The following CMSS1 variants were observed in gnomAD, a reference collection of about 807,000 sequenced individuals.
CMSS1 encodes protein CMSS1.
Under a neutral mutation model 43.5 loss-of-function variants are expected in CMSS1, and 33 were observed. The observed-to-expected ratio is 0.76, with a 90% confidence interval of 0.57 to 1.01. The LOEUF is 1.01. Ranked by LOEUF, CMSS1 falls within the 50% of genes least tolerant of loss-of-function variation. CMSS1 has a pLI of 0.00. For synonymous variants in CMSS1, 115 were observed against 117.2 expected (o/e 0.98, Z 0.12); for missense variants, 313 against 326.4 (o/e 0.96, Z 0.32).
At chr3:100,125,472 T>C (rs1394478037) in intron 1 of CMSS1, among the ~76,000 whole-genome samples, 17 of 152,218 alleles carry the variant, frequency 1.1e-4, no homozygotes, top group Admixed American at 1.1e-3. Context: ...CCTTGGAAGT[T>C]ATAGCTGAGC....
chr3:99,834,483 A>G (rs1480693254), intron 1 of CMSS1, among the ~76,000 whole-genome samples: 1 of 152,244 alleles, frequency 6.6e-6, no homozygotes, highest in Non-Finnish European at 1.5e-5. Context: ...ATTGAAATAA[A>G]GTTTTCAAAA....
At chr3:100,069,681 TGTC>T (rs1382466758) in intron 1 of CMSS1, among the ~76,000 whole-genome samples, 6 of 152,174 alleles carry the variant, frequency 3.9e-5, no homozygotes, top group African/African-American at 1.4e-4. Context: ...TATCAGGAAA[TGTC>T]GTCATGGTCT....
intron 1 of CMSS1, among the ~76,000 whole-genome samples, chr3:99,840,910 T>G (rs1474719837): frequency 2.0e-5 from 3 of 152,238 alleles, no homozygotes; most frequent in Non-Finnish European, 4.4e-5. Context: ...TACTGTGGTC[T>G]TCCTTAATCT....
At chr3:100,097,064 C>G (rs757181160) in intron 1 of CMSS1, among the ~76,000 whole-genome samples, 30 of 152,282 alleles carry the variant, frequency 2.0e-4, no homozygotes, top group Non-Finnish European at 4.1e-4. Flanking sequence ...AGCAGGCAAG[C>G]CAGCATTACT....
At chr3:99,983,410 A>ATG (rs1709197589) in intron 1 of CMSS1, among the ~76,000 whole-genome samples, 3 of 108,972 alleles carry the variant, frequency 2.8e-5, no homozygotes, top group African/African-American at 1.1e-4. Context: ...ATATATATAT[A>ATG]TATATATATG....
chr3:99,916,437 T>TATAC (rs1706953337), intron 1 of CMSS1, among the ~76,000 whole-genome samples: 1 of 137,068 alleles, frequency 7.3e-6, no homozygotes, highest in Non-Finnish European at 1.6e-5. Context: ...TAACGGTTTA[T>TATAC]ACACACACAC....
At chr3:100,078,941 G>T (rs2065892303) in intron 1 of CMSS1, among the ~76,000 whole-genome samples, 2 of 152,058 alleles carry the variant, frequency 1.3e-5, no homozygotes, top group East Asian at 3.9e-4. Flanking sequence ...TTTTAAGAAA[G>T]TTCACTAATT....
chr3:99,818,163 A>AGC (rs1277755758), intron 1 of CMSS1, 120 bp downstream of exon 1: 4 of 847,006 alleles, frequency 4.7e-6, no homozygotes, highest in Non-Finnish European at 7.6e-6. Flanking sequence ...CCGCCTTGGG[A>AGC]GCGCGCAAGC....
chr3:99,968,357 G>A (rs940785658), intron 1 of CMSS1, among the ~76,000 whole-genome samples: 1 of 151,908 alleles, frequency 6.6e-6, no homozygotes, highest in Non-Finnish European at 1.5e-5. Flanking sequence ...TAAGATAAAG[G>A]ACCTGTTTTG....
intron 1 of CMSS1, chr3:99,925,774 A>C (rs994355033): frequency 7.1e-6 from 6 of 841,056 alleles, no homozygotes; most frequent in Non-Finnish European, 8.6e-6. Flanking sequence ...AGGTGACCTC[A>C]TAAAGGAAGA....
chr3:100,109,341 A>G (rs990170604), intron 1 of CMSS1, among the ~76,000 whole-genome samples: 5 of 152,196 alleles, frequency 3.3e-5, no homozygotes, highest in African/African-American at 9.7e-5. Context: ...TATGCTTTAC[A>G]TATAGTAAAA....
At chr3:99,924,431 C>A (rs772293178) in intron 1 of CMSS1, 3 of 1,606,642 alleles carry the variant, frequency 1.9e-6, no homozygotes, top group Admixed American at 3.4e-5. Flanking sequence ...ACATTTATAG[C>A]CTGTTACCAA....
intron 1 of CMSS1, among the ~76,000 whole-genome samples, chr3:99,966,817 A>G (rs1394963877): frequency 3.9e-5 from 6 of 152,216 alleles, no homozygotes; most frequent in Admixed American, 2.0e-4. Flanking sequence ...AATTAATTCA[A>G]CAGAGCATGC....
At position 99,949,480 on chromosome 3, in the gene CMSS1, C is replaced by T. The variant is rs1708112302; in HGVS notation, c.64+131437C>T. Among the ~76,000 whole-genome samples, 5 of 152,162 alleles carry T rather than the reference C, an allele frequency of 3.3e-5. No individual in the cohort carries two copies. The South Asian group carries it at 1.0e-3, about 32-fold the overall frequency. On this transcript the variant is annotated intron_variant, in intron 1 of 9. Transcript: ENST00000421999. ...GAATGCATAACTGTCTGTGCTTCCA[C>T]GTATAGTCCCACCTTTCAACAGGCA...
intron 1 of CMSS1, among the ~76,000 whole-genome samples, chr3:99,960,634 T>C (rs1368580546): frequency 6.6e-6 from 1 of 152,172 alleles, no homozygotes; most frequent in East Asian, 1.9e-4. Flanking sequence ...AATCATTAGA[T>C]TGACATCTCA....
chr3:99,941,485 T>A (rs1417293082), intron 1 of CMSS1, among the ~76,000 whole-genome samples: 1 of 152,280 alleles, frequency 6.6e-6, no homozygotes, highest in African/African-American at 2.4e-5. Context: ...AGAAGGTGGA[T>A]GAAAAACACA....
intron 1 of CMSS1, among the ~76,000 whole-genome samples, chr3:99,864,912 G>A (rs1239923012): frequency 3.3e-5 from 5 of 152,054 alleles, no homozygotes; most frequent in East Asian, 1.9e-4. Context: ...GTGTGTATGT[G>A]CGCACACACG....
chr3:99,924,892 A>G (rs1197117904), intron 1 of CMSS1, among the ~76,000 whole-genome samples: 1 of 152,198 alleles, frequency 6.6e-6, no homozygotes, highest in African/African-American at 2.4e-5. Flanking sequence ...GTGCATTTCA[A>G]TACAAATGTA....
intron 1 of CMSS1, among the ~76,000 whole-genome samples, chr3:100,123,153 T>C (rs2066635378): frequency 6.6e-6 from 1 of 152,160 alleles, no homozygotes; most frequent in African/African-American, 2.4e-5. Flanking sequence ...GAGAAAATCA[T>C]GACAGAGAAC....
Sources: gnomAD v4.1 joint callset for allele counts (sites outside exome capture counted in the v4.1 genomes callset) on GRCh38, gnomAD v4.1.1 for gene constraint, MANE v1.5 for transcripts, NCBI Gene and HGNC (gene_info 2026-07-23, HGNC 2026-07-21) for gene names.